The following EIPR1 variants were observed in gnomAD, a reference collection of about 807,000 sequenced individuals.
EIPR1 encodes the protein EARP complex and GARP complex interacting protein 1.
A neutral mutation model predicts 48.1 loss-of-function variants in EIPR1; 25 were observed. The observed-to-expected ratio is 0.52, with a 90% confidence interval of 0.38 to 0.73. The LOEUF (loss-of-function observed/expected upper bound fraction) is 0.73. Among genes scored for constraint, EIPR1 ranks in the 30% least tolerant of loss-of-function variants. EIPR1 has a pLI of 0.00. For synonymous variants in EIPR1, 204 were observed against 201.9 expected (o/e 1.01, Z -0.09); for missense variants, 415 against 506.2 (o/e 0.82, Z 1.73).
At chr2:3,326,626 G>A (rs181289579) in intron 3 of EIPR1, among the ~76,000 whole-genome samples, 7 of 152,256 alleles carry the variant, frequency 4.6e-5, no homozygotes, top group East Asian at 1.9e-4. Context: ...CAGAAGAAGC[G>A]AGACAGAGAA....
intron 5 of EIPR1, among the ~76,000 whole-genome samples, chr2:3,201,635 C>T (rs1231856144): frequency 6.6e-6 from 1 of 152,120 alleles, no homozygotes; most frequent in Admixed American, 6.5e-5. Flanking sequence ...AGGAGAGGGT[C>T]CCCCTTGCAA....
intron 6 of EIPR1, among the ~76,000 whole-genome samples, chr2:3,196,475 A>G (rs563721883): frequency 6.6e-6 from 1 of 152,266 alleles, no homozygotes; most frequent in South Asian, 2.1e-4. Context: ...GTGTCTCCAG[A>G]AGGCACAGCT....
intron 7 of EIPR1, among the ~76,000 whole-genome samples, chr2:3,193,089 C>T (rs200005857): frequency 4.6e-5 from 7 of 152,170 alleles, no homozygotes; most frequent in African/African-American, 1.7e-4. Flanking sequence ...TTCTGCCTCC[C>T]GTCATGCTGA....
At chr2:3,336,505 C>G (rs1441853571) in intron 3 of EIPR1, among the ~76,000 whole-genome samples, 2 of 152,130 alleles carry the variant, frequency 1.3e-5, no homozygotes, top group African/African-American at 4.8e-5. Context: ...CAGTGGCTCA[C>G]GTCTGTAATC....
At chr2:3,327,630 A>T (rs1669737850) in intron 3 of EIPR1, among the ~76,000 whole-genome samples, 1 of 135,654 alleles carries the variant, frequency 7.4e-6, no homozygotes, top group South Asian at 2.5e-4. Context: ...TGGCAAGAGT[A>T]GCTACAATCC....
rs1182960447 is a variant in EIPR1, at chr2:3,286,729, C to T, written c.260-29274G>A. ...AAGCCAGCCCCTGCGTCCCCACGTG[C>T]TGAGTCCATCCTCCCAGCAGCTCCA... is the stretch of plus-strand genomic sequence containing the variant. On this transcript the variant is annotated intron_variant, in intron 3 of 8. Coordinates refer to ENST00000382125, the MANE Select transcript of EIPR1 (RefSeq NM_003310.5). The surrounding 1 kb of genome is among the most constrained non-coding windows in gnomAD (Gnocchi z 4.2). Among the ~76,000 whole-genome samples the T allele has an allele frequency of 5.3e-5, 8 of 152,270 alleles. No homozygotes were observed. Among genetic ancestry groups the T allele is most frequent in the Non-Finnish European group, 8.8e-5 (6 of 68,046 alleles).
chr2:3,361,077 A>G (rs1262424808), intron 1 of EIPR1, among the ~76,000 whole-genome samples: 1 of 152,240 alleles, frequency 6.6e-6, no homozygotes, highest in Non-Finnish European at 1.5e-5. Context: ...ATGCAGTCAA[A>G]GAATTGAAGT....
chr2:3,308,009 G>A lies in EIPR1; in HGVS notation c.259+30008C>T, dbSNP rs557910685. ...AAAGAACAGGCCTGGGAATGCTCTC[G>A]GCGTCTCCCACACACAACAGAGCCA... On this transcript the variant is annotated intron_variant, in intron 3 of 8. Transcript: ENST00000382125. Among the ~76,000 whole-genome samples the A allele has an allele frequency of 2.0e-5, 3 of 152,216 alleles. No homozygotes were observed. The South Asian group carries it at 6.2e-4, about 32-fold the overall frequency.
At chr2:3,190,061 G>A (rs890918285) in intron 8 of EIPR1, among the ~76,000 whole-genome samples, 2 of 152,050 alleles carry the variant, frequency 1.3e-5, no homozygotes, top group Non-Finnish European at 2.9e-5. Flanking sequence ...AGACGCCCTG[G>A]CCCTGTGGGA....
At chr2:3,328,112 G>A (rs368113377) in intron 3 of EIPR1, among the ~76,000 whole-genome samples, 30 of 152,258 alleles carry the variant, frequency 2.0e-4, no homozygotes, top group African/African-American at 6.5e-4. Flanking sequence ...CTGGGGAGCC[G>A]TGGGAAGCTC....
chr2:3,355,238 C>A (rs1266403581), intron 1 of EIPR1, among the ~76,000 whole-genome samples: 1 of 152,178 alleles, frequency 6.6e-6, no homozygotes, highest in Non-Finnish European at 1.5e-5. Context: ...CTTTGACAGA[C>A]TCGTGGAGCT....
intron 4 of EIPR1, among the ~76,000 whole-genome samples, chr2:3,252,101 T>C (rs182111315): frequency 7.9e-5 from 12 of 152,188 alleles, no homozygotes; most frequent in East Asian, 1.9e-4. Context: ...CAATACGATA[T>C]GGTTGTTGCA....
At chr2:3,210,137 C>T (rs1665392910) in intron 5 of EIPR1, among the ~76,000 whole-genome samples, 1 of 151,660 alleles carries the variant, frequency 6.6e-6, no homozygotes, top group African/African-American at 2.4e-5. Context: ...CTGTATCATC[C>T]ACTCAATTTT....
chr2:3,252,765 C>G (rs897795885), intron 4 of EIPR1, among the ~76,000 whole-genome samples: 1 of 152,146 alleles, frequency 6.6e-6, no homozygotes, highest in Non-Finnish European at 1.5e-5. Flanking sequence ...CCATCCCTGC[C>G]GGGCAGAGCT....
chr2:3,351,693 TAGA>T (rs1423356506), intron 2 of EIPR1, among the ~76,000 whole-genome samples: 1 of 152,152 alleles, frequency 6.6e-6, no homozygotes, highest in African/African-American at 2.4e-5. Context: ...TTTTTTCCAG[TAGA>T]AAAGTAACAC....
intron 2 of EIPR1, among the ~76,000 whole-genome samples, chr2:3,343,799 G>A (rs970136129): frequency 3.3e-5 from 5 of 152,138 alleles, no homozygotes; most frequent in South Asian, 2.1e-4. Context: ...CCGGGCCACC[G>A]AGTACAGAGC....
intron 7 of EIPR1, among the ~76,000 whole-genome samples, chr2:3,193,754 T>C (rs1037066810): frequency 6.6e-6 from 1 of 152,248 alleles, no homozygotes; most frequent in Admixed American, 6.5e-5. Flanking sequence ...TTTATTTTTG[T>C]ATACTTGAAC....
Position 3,377,785 on chromosome 2 carries a change from TTC to T in EIPR1, c.-98_-97del. ...CTCGCGGGCGTGTTCCCAGCGCCCA[TTC>T]ATTCCCTCCCCGCAGCAAACGACTC... On this transcript the variant is annotated 5_prime_UTR_variant, in exon 1 of 9. The change abolishes an upstream ATG in the 5' untranslated region. Coordinates refer to ENST00000382125, the MANE Select transcript of EIPR1 (RefSeq NM_003310.5). 4 of 1,448,492 alleles carry T rather than the reference TTC, an allele frequency of 2.8e-6. No individual in the cohort carries two copies. The highest frequency in any genetic ancestry group is 3.8e-6 in the Non-Finnish European group (4 of 1,062,450). 89.7% of individuals were successfully genotyped at this position (1,448,492 alleles called of 1,614,324 possible).
At chr2:3,276,342 A>G (rs1314104045) in intron 3 of EIPR1, among the ~76,000 whole-genome samples, 1 of 152,264 alleles carries the variant, frequency 6.6e-6, no homozygotes, top group Non-Finnish European at 1.5e-5. Flanking sequence ...GTGGGAGCCC[A>G]TGCTGAATAA....
Sources: gnomAD v4.1 joint callset for allele counts (sites outside exome capture counted in the v4.1 genomes callset) on GRCh38, gnomAD v4.1.1 for gene constraint, Gnocchi (gnomAD v3.1) non-coding constraint, MANE v1.5 for transcripts, NCBI Gene and HGNC (gene_info 2026-07-23, HGNC 2026-07-21) for gene names.